The following DRAM2 variants were observed in gnomAD, a reference collection of about 807,000 sequenced individuals.
DRAM2 encodes DNA damage regulated autophagy modulator 2.
Under a neutral mutation model 33.5 loss-of-function variants are expected in DRAM2, and 26 were observed. The observed-to-expected ratio is 0.78, with a 90% CI of 0.57 to 1.08. The LOEUF is 1.08. DRAM2 is among the 50% of genes least tolerant of loss of function. The pLI is 0.00. For missense variants in DRAM2, 311 were observed against 318.1 expected (o/e 0.98, Z 0.17); for synonymous variants, 98 against 109.5 (o/e 0.89, Z 0.66).
At chr1:111,132,612 G>C (rs1227207847) in intron 3 of DRAM2, among the ~76,000 whole-genome samples, 1 of 151,996 alleles carries the variant, frequency 6.6e-6, no homozygotes, top group African/African-American at 2.4e-5. Context: ...ACTTCTTGAT[G>C]ATCAGAGAAG....
chr1:111,124,570 T>C (rs1355584973), intron 6 of DRAM2, among the ~76,000 whole-genome samples, 172 bp downstream of exon 6: 2 of 152,230 alleles, frequency 1.3e-5, no homozygotes, highest in Non-Finnish European at 2.9e-5. Flanking sequence ...TGAATTTTTC[T>C]AGTTGTGCAA....
At chr1:111,127,917 A>G (rs1405642318) in intron 4 of DRAM2, 1 of 152,172 alleles carries the variant, frequency 6.6e-6, no homozygotes, top group Non-Finnish European at 1.5e-5. Flanking sequence ...TACGTTAAAT[A>G]TTGGCAAAGT....
At chr1:111,118,944 C>G in intron 8 of DRAM2, 47 bp from the exon 9 acceptor site, 1 of 1,317,406 alleles carries the variant, frequency 7.6e-7, no homozygotes, top group Non-Finnish European at 1.1e-6. Context: ...TTCATTTAAA[C>G]GATCTATATA....
At chr1:111,136,590 CA>C (rs200650993) in intron 3 of DRAM2, among the ~76,000 whole-genome samples, 5 of 147,864 alleles carry the variant, frequency 3.4e-5, no homozygotes, top group African/African-American at 1.2e-4. Context: ...ATCTCAAAAA[CA>C]AAAAAACAAA....
chr1:111,120,068 A>AT lies in DRAM2; in HGVS notation c.518-110dup, dbSNP rs1242700666. The AT allele has an allele frequency of 1.6e-4, 150 of 933,938 alleles. No homozygotes were observed. The East Asian group carries it at 3.9e-3, about 24-fold the overall frequency. 57.9% of individuals were successfully genotyped at this position (933,938 alleles called of 1,614,324 possible). A position where few individuals can be genotyped will look rare whatever the true frequency, so the allele number is the denominator to read the frequency against. On this transcript the variant is annotated intron_variant, in intron 7 of 9. Transcript: ENST00000484310. ...ACATTTATTGCTAAGGTCTAAACCCATTTTCTTAAAGACTTAATGTTACAC... is the reference window on the plus strand; with the variant it reads ...ACATTTATTGCTAAGGTCTAAACCCATTTTTCTTAAAGACTTAATGTTACAC...
intron 4 of DRAM2, among the ~76,000 whole-genome samples, chr1:111,129,651 C>A (rs143444256): frequency 6.6e-6 from 1 of 152,094 alleles, no homozygotes; most frequent in Admixed American, 6.5e-5. Flanking sequence ...AGCAATCTCA[C>A]TTCTAGAAAT....
intron 3 of DRAM2, 44 bp from the exon 4 acceptor site, chr1:111,131,612 T>C: frequency 6.3e-7 from 1 of 1,599,114 alleles, no homozygotes; most frequent in Non-Finnish European, 8.5e-7. Context: ...TCACAAGAGT[T>C]TCCTCATCCT....
chr1:111,130,484 T>C (rs1455440660), intron 4 of DRAM2, among the ~76,000 whole-genome samples: 1 of 152,088 alleles, frequency 6.6e-6, no homozygotes, highest in Non-Finnish European at 1.5e-5. Flanking sequence ...GGCGGGCAGA[T>C]CACGAGGTCA....
At chr1:111,137,169 T>C (rs1054821370) in intron 3 of DRAM2, among the ~76,000 whole-genome samples, 12 of 145,214 alleles carry the variant, frequency 8.3e-5, no homozygotes, top group African/African-American at 3.1e-4. Flanking sequence ...AGGAGAATGG[T>C]GTGAACCCCG....
At chr1:111,122,445 T>A (rs688120) in intron 6 of DRAM2, among the ~76,000 whole-genome samples, 106,383 of 152,042 alleles carry the variant, frequency 0.7, 37,808 homozygotes, top group African/African-American at 0.82. Context: ...AGTAAAACCA[T>A]TAAGTCCTGA....
chr1:111,130,048 GGTT>G (rs1211204285), intron 4 of DRAM2, among the ~76,000 whole-genome samples: 2 of 134,736 alleles, frequency 1.5e-5, no homozygotes, highest in Non-Finnish European at 3.3e-5. Flanking sequence ...AAAAAAAGAG[GGTT>G]ATTATAGCTT....
At chr1:111,122,128 T>C (rs1458435324) in intron 6 of DRAM2, among the ~76,000 whole-genome samples, 1 of 152,154 alleles carries the variant, frequency 6.6e-6, no homozygotes, top group Non-Finnish European at 1.5e-5. Flanking sequence ...TTTGGTGGTT[T>C]AGCAAATTAT....
rs1418744025 is a variant in DRAM2 at position 111,124,749 on chromosome 1, T to A, written c.332A>T (p.Asn111Ile). The change falls in exon 6 of 10, where the codon AAC becomes ATC. Residue 111 changes from asparagine to isoleucine, a missense_variant. Physicochemically the swap from Asn to Ile is moderately radical, Grantham distance 149 (BLOSUM62 -3). Coordinates refer to ENST00000484310, the MANE Select transcript of DRAM2 (RefSeq NM_001349884.2). ...LSCLGLSIVANFQKTTLFAAH... is the reference protein window; with the variant it reads ...LSCLGLSIVAIFQKTTLFAAH... ...CTGGGCTAAAACACAAACCTGGAAG[T>A]TTGCCACAATAGAAAGTCCTAAACA... The A allele has an allele frequency of 1.2e-6, 2 of 1,613,108 alleles. No individual in the cohort carries two copies. The highest frequency in any genetic ancestry group is 8.5e-7 in the Non-Finnish European group (1 of 1,179,574).
intron 7 of DRAM2, 61 bp from the exon 8 acceptor site, chr1:111,120,020 T>C: frequency 1.4e-6 from 2 of 1,429,562 alleles, no homozygotes; most frequent in South Asian, 1.2e-5. Flanking sequence ...AAAATCACTT[T>C]ACAGTCTAAA....
At chr1:111,139,331 A>C (rs1180961881) in intron 2 of DRAM2, among the ~76,000 whole-genome samples, 170 bp downstream of exon 2, 1 of 152,194 alleles carries the variant, frequency 6.6e-6, no homozygotes, top group Non-Finnish European at 1.5e-5. Flanking sequence ...GGTTGTGAAG[A>C]TACCCAGGAC....
In DRAM2 at chr1:111,129,950, A is replaced by G. The variant is rs79505653; in HGVS notation, c.131+1474T>C. Among the ~76,000 whole-genome samples the G allele has an allele frequency of 4.1e-3, 623 of 152,340 alleles. 9 individuals carry two copies. The East Asian group carries it at 0.058, about 14-fold the overall frequency. The stretch of plus-strand genomic sequence containing the variant: ...TAGGGTGTAGAAACTGGAAGGTGTC[A>G]GGAAGGGATTTTTGCTTTTCATTTT... On this transcript the variant is annotated intron_variant, in intron 4 of 9. Coordinates refer to ENST00000484310, the MANE Select transcript of DRAM2 (RefSeq NM_001349884.2).
At chr1:111,135,924 T>C (rs1473116063) in intron 3 of DRAM2, among the ~76,000 whole-genome samples, 1 of 152,254 alleles carries the variant, frequency 6.6e-6, no homozygotes, top group Admixed American at 6.5e-5. Context: ...GATTTTTCTA[T>C]TTCAGTAAAC....
At chr1:111,125,615 T>A (rs1215839325) in intron 5 of DRAM2, 1 of 152,286 alleles carries the variant, frequency 6.6e-6, no homozygotes, top group Non-Finnish European at 1.5e-5. Flanking sequence ...ATGAACTTCT[T>A]TAAGTTGAAT....
intron 4 of DRAM2, among the ~76,000 whole-genome samples, chr1:111,128,234 G>C (rs1169803101): frequency 6.7e-6 from 1 of 148,166 alleles, no homozygotes; most frequent in Admixed American, 6.9e-5. Context: ...GAATTTTGCA[G>C]ACTTGCTAGT....
Sources: gnomAD v4.1 joint callset for allele counts (sites outside exome capture counted in the v4.1 genomes callset) on GRCh38, gnomAD v4.1.1 for gene constraint, MANE v1.5 for transcripts, NCBI Gene and HGNC (gene_info 2026-07-23, HGNC 2026-07-21) for gene names.